The following NMBR variants were observed in gnomAD, a reference collection of about 807,000 sequenced individuals.
The protein encoded by NMBR is neuromedin-B receptor.
Under a neutral mutation model 20.5 loss-of-function variants are expected in NMBR, and 16 were observed. That is an observed-to-expected ratio of 0.78 (90% CI 0.53 to 1.19). The LOEUF is 1.19. Among genes scored for constraint, NMBR ranks in the 50% most tolerant of loss-of-function variants. NMBR has a pLI of 0.00. For synonymous variants in NMBR, 212 were observed against 196.6 expected (o/e 1.08, Z -0.65); for missense variants, 582 against 499.1 (o/e 1.17, Z -1.58).
At chr6:142,143,880 T>C (rs979648407) in intron 1 of NMBR, among the ~76,000 whole-genome samples, 2 of 152,020 alleles carry the variant, frequency 1.3e-5, no homozygotes, top group African/African-American at 4.8e-5. Flanking sequence ...GGCATGAAGA[T>C]AGGCATATGG....
At chr6:142,118,864 A>G (rs922599929) in intron 1 of NMBR, among the ~76,000 whole-genome samples, 1 of 152,042 alleles carries the variant, frequency 6.6e-6, no homozygotes, top group African/African-American at 2.4e-5. Flanking sequence ...TGTGTCTTAC[A>G]TTCATGCTCC....
intron 1 of NMBR, among the ~76,000 whole-genome samples, chr6:142,122,215 C>A (rs971390005): frequency 6.6e-6 from 1 of 151,942 alleles, no homozygotes; most frequent in Middle Eastern, 3.2e-3. Flanking sequence ...ACAAAACCAG[C>A]CACAACATTC....
intron 1 of NMBR, among the ~76,000 whole-genome samples, chr6:142,126,181 A>C (rs925216631): frequency 4.0e-5 from 6 of 151,620 alleles, no homozygotes; most frequent in Non-Finnish European, 7.4e-5. Flanking sequence ...TCCCGTCAAC[A>C]TAATGTCCTT....
rs148229438 is a variant in NMBR at position 142,099,595 on chromosome 6, G to C, written c.-663-10274C>G. ...ATGTGCAGATTGCAATTGGAGATGGGATTTTGCTGGGGACACAGAGACAAA... is the reference window on the plus strand; with the variant it reads ...ATGTGCAGATTGCAATTGGAGATGGCATTTTGCTGGGGACACAGAGACAAA... On this transcript the variant is annotated intron_variant, in intron 1 of 3. Transcript: ENST00000258042. Among the ~76,000 whole-genome samples, 484 of 152,166 alleles carry C rather than the reference G, an allele frequency of 3.2e-3. 3 individuals are homozygous for C. The highest frequency in any genetic ancestry group is 0.011 in the African/African-American group (471 of 41,500).
rs777527367 is a variant in NMBR at position 142,078,903 on chromosome 6, C to G, written c.423G>C (p.Arg141Ser). The G allele has an allele frequency of 1.3e-6, 2 of 1,572,732 alleles. No homozygotes were observed. Among genetic ancestry groups the G allele is most frequent in the African/African-American group, 2.8e-5 (2 of 71,268 alleles). The change falls in exon 3 of 4, where the codon AGG (arginine) becomes AGC (serine). Residue 141 changes from arginine (R) to serine (S), a missense_variant and splice_region_variant. Coordinates refer to ENST00000258042, the MANE Select transcript of NMBR (RefSeq NM_002511.4). ...VFTLTALSAD[R>S]YRAIVNPMDM... ...CCATGGGGTTAACGATGGCTCTGTA[C>G]CTGGGAAAATGATACATCTCAAGTT...
rs1491404926 is a variant in NMBR at position 142,079,127 on chromosome 6, AAG to A, written c.423-226_423-225del. Reference sequence around the variant, plus strand: ...GAGAGAAAGAAAGAAAGAAAGAAAGAAGAAAGAAAGAAAGAAAAAGAAGAGAG... The same window carrying A: ...GAGAGAAAGAAAGAAAGAAAGAAAGAAAAGAAAGAAAGAAAAAGAAGAGAG... On this transcript the variant is annotated intron_variant, in intron 2 of 3. Coordinates refer to ENST00000258042, the MANE Select transcript of NMBR (RefSeq NM_002511.4). Among the ~76,000 whole-genome samples the A allele has an allele frequency of 1.3e-4, 3 of 23,124 alleles. No homozygotes were observed. In the African/African-American group the frequency reaches 2.9e-3, roughly 23 times the overall value. 15.2% of individuals were successfully genotyped at this position (23,124 alleles called of 152,430 possible). A position where few individuals can be genotyped will look rare whatever the true frequency, so the allele number is the denominator to read the frequency against.
At chr6:142,112,878 G>T (rs997192787) in intron 1 of NMBR, among the ~76,000 whole-genome samples, 4 of 148,636 alleles carry the variant, frequency 2.7e-5, no homozygotes, top group African/African-American at 9.7e-5. Context: ...TAATTAATTT[G>T]ATTAAAAGAG....
chr6:142,135,125 A>G, intron 1 of NMBR: 1 of 291,244 alleles, frequency 3.4e-6, no homozygotes, highest in Non-Finnish European at 6.3e-6. Flanking sequence ...TAGAAAATAT[A>G]CACAGAACTA....
At chr6:142,101,560 T>A (rs901941593) in intron 1 of NMBR, among the ~76,000 whole-genome samples, 7 of 152,112 alleles carry the variant, frequency 4.6e-5, no homozygotes, top group African/African-American at 1.7e-4. Context: ...AATCTCCTGT[T>A]TACAGGAGAA....
intron 1 of NMBR, among the ~76,000 whole-genome samples, chr6:142,143,671 T>C (rs1778389904): frequency 6.6e-6 from 1 of 152,098 alleles, no homozygotes; most frequent in South Asian, 2.1e-4. Flanking sequence ...GTAAATTCAA[T>C]ATAATTCCAG....
chr6:142,079,747 A>G (rs1363827908), intron 2 of NMBR, among the ~76,000 whole-genome samples: 1 of 152,216 alleles, frequency 6.6e-6, no homozygotes, highest in Non-Finnish European at 1.5e-5. Context: ...AAAACTTGAA[A>G]GCAGAACAAT....
In NMBR at chr6:142,075,993, G is replaced by A; in HGVS notation, c.828C>T (p.Ile276=). The change falls in exon 4 of 4, where the codon ATC becomes ATT. Residue 276 remains isoleucine, a synonymous_variant. Transcript: ENST00000258042. ...GGATGTGGTTTGGAAACCAACAGAA[G>A]ATGAAACAGCCCACAAAGACAAGCA... is the stretch of plus-strand genomic sequence containing the variant. ...KIVLVFVGCF[I]FCWFPNHILY... 1 of 1,611,006 alleles carries A rather than the reference G, an allele frequency of 6.2e-7. No homozygotes were observed. Among genetic ancestry groups the A allele is most frequent in the South Asian group, 1.1e-5 (1 of 90,264 alleles).
chr6:142,100,726 T>C (rs1320482385), intron 1 of NMBR, among the ~76,000 whole-genome samples: 1 of 152,148 alleles, frequency 6.6e-6, no homozygotes, highest in Admixed American at 6.6e-5. Flanking sequence ...TCAATATAGG[T>C]TCAAATAATT....
chr6:142,086,021 CT>C (rs201667912), intron 2 of NMBR, among the ~76,000 whole-genome samples: 1,581 of 114,814 alleles, frequency 0.014, 18 homozygotes, highest in African/African-American at 0.034. Flanking sequence ...CTCCTGTACT[CT>C]TTTTTTTTTT....
chr6:142,097,298 C>T (rs1041799011), intron 1 of NMBR, among the ~76,000 whole-genome samples: 5 of 152,126 alleles, frequency 3.3e-5, no homozygotes, highest in Non-Finnish European at 7.4e-5. Flanking sequence ...CATGTTTTTG[C>T]AGTGGCTGGT....
chr6:142,094,615 G>A (rs151117044), intron 1 of NMBR, among the ~76,000 whole-genome samples: 2,087 of 152,278 alleles, frequency 0.014, 59 homozygotes, highest in African/African-American at 0.047. Context: ...TTTGGCTTAG[G>A]ATTGACTTGG....
chr6:142,095,543 G>T (rs899558923), intron 1 of NMBR, among the ~76,000 whole-genome samples: 1 of 152,174 alleles, frequency 6.6e-6, no homozygotes, highest in East Asian at 1.9e-4. Context: ...TGTGCTGCTG[G>T]ATTCGGTTTG....
intron 1 of NMBR, among the ~76,000 whole-genome samples, chr6:142,090,362 C>G (rs1246398340): frequency 1.3e-5 from 2 of 151,842 alleles, no homozygotes; most frequent in African/African-American, 4.8e-5. Context: ...ATAAATTAAG[C>G]AACTTTTCCA....
intron 1 of NMBR, among the ~76,000 whole-genome samples, chr6:142,113,064 T>G (rs1279356243): frequency 6.6e-6 from 1 of 152,126 alleles, no homozygotes; most frequent in East Asian, 1.9e-4. Flanking sequence ...TTATAATTTT[T>G]TTCAAAAATT....
Sources: gnomAD v4.1 joint callset for allele counts (sites outside exome capture counted in the v4.1 genomes callset) on GRCh38, gnomAD v4.1.1 for gene constraint, MANE v1.5 for transcripts, NCBI Gene and HGNC (gene_info 2026-07-23, HGNC 2026-07-21) for gene names.